NWD1: variants seen among roughly 807,000 people sequenced by gnomAD.
NWD1 encodes the protein NACHT and WD repeat domain containing 1.
In NWD1, 129 loss-of-function variants were observed where a neutral mutation model predicts 135.1. The ratio of observed to expected loss-of-function variants is 0.96; its 90% CI spans 0.83 to 1.11. NWD1 has a LOEUF of 1.11. Ranked by LOEUF, NWD1 falls within the 50% of genes least tolerant of loss-of-function variation. The pLI is 0.00. For synonymous variants in NWD1, 773 were observed against 786.0 expected, an observed-to-expected ratio of 0.98 and a Z score of 0.28; for missense variants, 1,740 against 1,851.3, an observed-to-expected ratio of 0.94 and a Z score of 1.10.
intron 5 of NWD1, among the ~76,000 whole-genome samples, chr19:16,746,327 T>G (rs1654547620): frequency 6.6e-6 from 1 of 151,758 alleles, no homozygotes; most frequent in African/African-American, 2.4e-5. Context: ...ACCACTGTAC[T>G]TCAGTCTGGG....
chr19:16,793,292 GGCAC>G (rs919580144), intron 14 of NWD1, among the ~76,000 whole-genome samples: 1 of 152,084 alleles, frequency 6.6e-6, no homozygotes, highest in African/African-American at 2.4e-5. Context: ...GGAGTGCAGT[GGCAC>G]GATCATGGCT....
At chr19:16,747,085 G>A (rs1968353919) in intron 5 of NWD1, among the ~76,000 whole-genome samples, 1 of 143,806 alleles carries the variant, frequency 7.0e-6, no homozygotes, top group Admixed American at 7.2e-5. Flanking sequence ...TGTCCAGGCT[G>A]GAGTGTAGTG....
chr19:16,750,091 C>T lies in NWD1; in HGVS notation c.1449C>T (p.Leu483=), dbSNP rs756026611. 5 of 1,613,898 alleles carry T rather than the reference C, an allele frequency of 3.1e-6. No individual in the cohort carries two copies. The Admixed American group carries it at 5.0e-5, about 16-fold the overall frequency. Residue 483 remains leucine (L), a synonymous_variant, in exon 6 of 19, where the codon CTC becomes CTT. Coordinates refer to ENST00000524140, the MANE Select transcript of NWD1 (RefSeq NM_001007525.5). ...LGVLDTLQRV[L]LDPEAYWEVK... is the part of the protein sequence containing the mutation. ...TTTTGGACACCTTGCAGCGGGTGCTCCTGGACCCGGAGGCCTACTGGGAGG... is the reference window on the plus strand; with the variant it reads ...TTTTGGACACCTTGCAGCGGGTGCTTCTGGACCCGGAGGCCTACTGGGAGG...
Position 16,799,866 on chromosome 19 carries a change from C to A in NWD1, c.3460-20C>A. The A allele has an allele frequency of 6.3e-7, 1 of 1,582,062 alleles. No homozygotes were observed. Reference sequence around the variant, plus strand: ...GTCCACAGAAGATGTCAGATCTGCCCTCCTGTTCTGCTTCCTCAGGTGTGG... The same window carrying A: ...GTCCACAGAAGATGTCAGATCTGCCATCCTGTTCTGCTTCCTCAGGTGTGG... On this transcript the variant is annotated intron_variant, in intron 16 of 18. Coordinates refer to ENST00000524140, the MANE Select transcript of NWD1 (RefSeq NM_001007525.5).
chr19:16,743,070 G>A (rs1163393506), intron 4 of NWD1, among the ~76,000 whole-genome samples: 1 of 151,354 alleles, frequency 6.6e-6, no homozygotes, highest in African/African-American at 2.4e-5. Flanking sequence ...ACGCCACCAT[G>A]CCTGGCTAAT....
At chr19:16,781,064 C>T (rs184072686) in intron 12 of NWD1, among the ~76,000 whole-genome samples, 6 of 152,218 alleles carry the variant, frequency 3.9e-5, no homozygotes, top group Non-Finnish European at 5.9e-5. Flanking sequence ...GACCTCAGAT[C>T]CTAAGTAAGG....
At chr19:16,745,731 C>T (rs745554199) in intron 5 of NWD1, among the ~76,000 whole-genome samples, 2 of 151,652 alleles carry the variant, frequency 1.3e-5, no homozygotes, top group Admixed American at 6.6e-5. Flanking sequence ...CAGAGAGAGA[C>T]CTGTCTCAAA....
At position 16,809,796 on chromosome 19, in the gene NWD1, A is replaced by T. The variant is rs547916636; in HGVS notation, c.4287+1660A>T. Among the ~76,000 whole-genome samples the T allele has an allele frequency of 3.9e-5, 6 of 151,912 alleles. No homozygotes were observed. In the South Asian group the frequency reaches 6.2e-4, roughly 16 times the overall value. ...ATGGTCTCAATCTCCTGACCTCGTG[A>T]TCCGCCCACCTTGGCCTCACAAAGT... is the stretch of plus-strand genomic sequence containing the variant. On this transcript the variant is annotated intron_variant, in intron 18 of 18. Transcript: ENST00000524140.
At chr19:16,771,077 A>AT (rs1969396362) in intron 10 of NWD1, among the ~76,000 whole-genome samples, 1 of 152,120 alleles carries the variant, frequency 6.6e-6, no homozygotes, top group Non-Finnish European at 1.5e-5. Flanking sequence ...AGACAGAAGG[A>AT]TTGCTAGAGG....
chr19:16,791,366 T>C lies in NWD1; in HGVS notation c.2957T>C (p.Leu986Pro). The change falls in exon 14 of 19, where the codon CTG becomes CCG. Residue 986 changes from leucine to proline, a missense_variant. Coordinates refer to ENST00000524140, the MANE Select transcript of NWD1 (RefSeq NM_001007525.5). ...ASGSKINAWN[L>P]ETAEPVFHIL... is the part of the protein sequence containing the mutation. ...TTCTATTAGATCAATGCTTGGAATC[T>C]GGAAACTGCAGAGCCGGTATTCCAT... The C allele has an allele frequency of 6.2e-7, 1 of 1,613,808 alleles. No homozygotes were observed.
At chr19:16,790,649 AT>A (rs1970213947) in intron 13 of NWD1, among the ~76,000 whole-genome samples, 1 of 120,110 alleles carries the variant, frequency 8.3e-6, no homozygotes, top group African/African-American at 4.7e-5. Context: ...AAATAAATAA[AT>A]AAATAAATAA....
intron 16 of NWD1, 106 bp downstream of exon 16, chr19:16,797,992 G>A: frequency 9.3e-7 from 1 of 1,080,900 alleles, no homozygotes; most frequent in Non-Finnish European, 1.4e-6. Context: ...AAAAATGAGT[G>A]CAGGCAAAAT....
At chr19:16,792,350 T>C (rs958993576) in intron 14 of NWD1, among the ~76,000 whole-genome samples, 90 of 152,020 alleles carry the variant, frequency 5.9e-4, no homozygotes, top group African/African-American at 2.1e-3. Flanking sequence ...GAGACCAGCC[T>C]GGCCAACATG....
intron 13 of NWD1, among the ~76,000 whole-genome samples, chr19:16,790,876 T>TA (rs1970221078): frequency 6.6e-6 from 1 of 152,102 alleles, no homozygotes; most frequent in African/African-American, 2.4e-5. Context: ...CTAATGAGTT[T>TA]AAAATCACAT....
At chr19:16,734,723 A>G (rs1472725064) in intron 3 of NWD1, among the ~76,000 whole-genome samples, 4 of 139,372 alleles carry the variant, frequency 2.9e-5, no homozygotes, top group African/African-American at 1.1e-4. Context: ...GGCACACACC[A>G]CTACACCTGG....
At chr19:16,791,189 G>A (rs1042194362) in intron 13 of NWD1, among the ~76,000 whole-genome samples, 161 bp from the exon 14 acceptor site, 21 of 152,094 alleles carry the variant, frequency 1.4e-4, no homozygotes, top group Non-Finnish European at 1.5e-5. Context: ...AGCCATGATT[G>A]CACCACTGCA....
In NWD1 at chr19:16,762,078, G is replaced by A; in HGVS notation, c.2073G>A (p.Gln691=). 1 of 1,614,096 alleles carries A rather than the reference G, an allele frequency of 6.2e-7. No homozygotes were observed. The highest frequency in any genetic ancestry group is 8.5e-7 in the Non-Finnish European group (1 of 1,180,010). The change falls in exon 8 of 19, where the codon CAG becomes CAA. Residue 691 remains glutamine (Q), a synonymous_variant. Transcript: ENST00000524140. ...ACTTCTTCTCAGGGACCTGGAGCCA[G>A]GGTACCAAGAAGCTCATCACTCTGC... is the stretch of plus-strand genomic sequence containing the variant. ...LADFFSGTWS[Q]GTKKLITLPL...
At chr19:16,728,281 CTTT>C (rs397859118) in intron 2 of NWD1, among the ~76,000 whole-genome samples, 10 of 119,888 alleles carry the variant, frequency 8.3e-5, no homozygotes, top group Non-Finnish European at 1.7e-4. Context: ...GGTCACTGCT[CTTT>C]TTTTTTTTTT....
At chr19:16,720,934 T>C (rs1967112327) in intron 1 of NWD1, among the ~76,000 whole-genome samples, 1 of 152,044 alleles carries the variant, frequency 6.6e-6, no homozygotes, top group Non-Finnish European at 1.5e-5. Context: ...CACTGCAACC[T>C]CTGCTTCCCG....
Sources: allele counts gnomAD v4.1 joint callset (sites outside exome capture counted in the v4.1 genomes callset), GRCh38; gene constraint gnomAD v4.1.1; transcripts MANE v1.5; gene names NCBI Gene and HGNC (gene_info 2026-07-23, HGNC 2026-07-21).